PMEPA1: variants seen among roughly 807,000 people sequenced by gnomAD.
PMEPA1 encodes the protein prostate transmembrane protein, androgen induced 1, also known as protein TMEPAI.
Under a neutral mutation model 23.0 loss-of-function variants are expected in PMEPA1, and 11 were observed. The observed-to-expected ratio is 0.48, with a 90% CI of 0.30 to 0.79. PMEPA1 has a LOEUF of 0.79. PMEPA1 is among the 30% of genes least tolerant of loss of function. The probability of loss-of-function intolerance (pLI) is 0.06; values close to 1 mark genes in which losing one functional copy is unlikely to be tolerated. For missense variants in PMEPA1, 377 were observed against 390.9 expected (o/e 0.96, Z 0.30); for synonymous variants, 204 against 166.4 (o/e 1.23, Z -1.74).
chr20:57,710,032 GC>G (rs1318235117), upstream of PMEPA1: 1 of 998,024 alleles, frequency 1.0e-6, no homozygotes, highest in Non-Finnish European at 1.2e-6. Context: ...GCTAGACGGG[GC>G]TGCCGGTTCC....
intron 1 of PMEPA1, among the ~76,000 whole-genome samples, chr20:57,665,921 C>A (rs113727995): frequency 0.022 from 3,282 of 152,314 alleles, 105 homozygotes; most frequent in Non-Finnish European, 0.025. Context: ...TTTCTCTCCC[C>A]CAAGGGCCCG....
intron 1 of PMEPA1, among the ~76,000 whole-genome samples, chr20:57,666,821 G>A (rs950707626): frequency 7.9e-5 from 12 of 152,162 alleles, no homozygotes; most frequent in African/African-American, 2.9e-4. Flanking sequence ...CTCTTCCTGT[G>A]TGCCAAGCCC....
Position 57,662,411 on chromosome 20 carries a change from G to A in PMEPA1, c.110-2714C>T, listed in dbSNP as rs917213556. Among the ~76,000 whole-genome samples, 6 of 152,200 alleles carry A rather than the reference G, an allele frequency of 3.9e-5. 1 individual carries two copies. The highest frequency in any genetic ancestry group is 3.3e-4 in the Admixed American group (5 of 15,292). ...AAGTCCAAGACCCTAGAGCTGGCGC[G>A]TCCTCCCACTAGGCTTGGTGGGGCT... On this transcript the variant is annotated intron_variant, in intron 1 of 3. Coordinates refer to ENST00000341744, the MANE Select transcript of PMEPA1 (RefSeq NM_020182.5).
chr20:57,701,099 C>T (rs748726092), intron 1 of PMEPA1, among the ~76,000 whole-genome samples: 2 of 151,800 alleles, frequency 1.3e-5, no homozygotes, highest in East Asian at 1.9e-4. Context: ...GACTATAGTT[C>T]GAATCTTTCT....
At chr20:57,700,566 T>C (rs903894601) in intron 1 of PMEPA1, among the ~76,000 whole-genome samples, 6 of 152,236 alleles carry the variant, frequency 3.9e-5, no homozygotes, top group African/African-American at 1.4e-4. Context: ...TGTTTCTTGC[T>C]GATGGTGAAG....
chr20:57,710,105 A>AC, upstream of PMEPA1: 3 of 883,514 alleles, frequency 3.4e-6, no homozygotes, highest in Non-Finnish European at 4.2e-6. Flanking sequence ...GTTCCCCCGC[A>AC]CCCCCTCCCC....
intron 1 of PMEPA1, among the ~76,000 whole-genome samples, chr20:57,672,575 A>G (rs1178009663): frequency 6.6e-6 from 1 of 152,128 alleles, no homozygotes; most frequent in African/African-American, 2.4e-5. Flanking sequence ...CACCGTCTGG[A>G]GGGGTCTCGC....
Position 57,702,473 on chromosome 20 carries a change from C to T in PMEPA1, c.109+7001G>A, listed in dbSNP as rs138883593. Among the ~76,000 whole-genome samples, 865 of 152,286 alleles carry T rather than the reference C, an allele frequency of 5.7e-3. 10 individuals carry two copies. The highest frequency in any genetic ancestry group is 0.019 in the African/African-American group (786 of 41,556). Reference sequence around the variant, plus strand: ...GTGTCTTGCCAGAGCAGAATGGACCCAATTGCTCTGAGAGGTGGCCAATTC... The same window carrying T: ...GTGTCTTGCCAGAGCAGAATGGACCTAATTGCTCTGAGAGGTGGCCAATTC... On this transcript the variant is annotated intron_variant, in intron 1 of 3. Coordinates refer to ENST00000341744, the MANE Select transcript of PMEPA1 (RefSeq NM_020182.5).
intron 1 of PMEPA1, among the ~76,000 whole-genome samples, chr20:57,688,023 A>C (rs751809675): frequency 2.6e-5 from 4 of 151,974 alleles, no homozygotes; most frequent in Non-Finnish European, 5.9e-5. Flanking sequence ...TGTGAGCACC[A>C]TAAGGTCAGG....
chr20:57,676,513 G>A lies in PMEPA1; in HGVS notation c.110-16816C>T, dbSNP rs139266108. 3.3e-4 allele frequency among the ~76,000 whole-genome samples: 50 copies of A among 152,336 alleles called. No homozygotes were observed. The South Asian group carries it at 3.3e-3, about 10-fold the overall frequency. On this transcript the variant is annotated intron_variant, in intron 1 of 3. Transcript: ENST00000341744. ...ATCTGGAGTGACTGATACTGAGCAGGTAAATTCAATTTATAGAATCACAAC... is the reference window on the plus strand; with the variant it reads ...ATCTGGAGTGACTGATACTGAGCAGATAAATTCAATTTATAGAATCACAAC...
intron 1 of PMEPA1, among the ~76,000 whole-genome samples, chr20:57,672,739 C>T (rs1023745621): frequency 6.6e-6 from 1 of 152,150 alleles, no homozygotes; most frequent in African/African-American, 2.4e-5. Flanking sequence ...GCCCCTTGCA[C>T]CATCGGGCTC....
intron 1 of PMEPA1, among the ~76,000 whole-genome samples, chr20:57,678,577 C>T (rs931641695): frequency 1.3e-5 from 2 of 152,190 alleles, no homozygotes; most frequent in African/African-American, 2.4e-5. Flanking sequence ...CCTCGCCTCC[C>T]GCTCACAGCA....
intron 2 of PMEPA1, among the ~76,000 whole-genome samples, chr20:57,658,407 C>T (rs1365873934): frequency 1.3e-5 from 2 of 152,200 alleles, no homozygotes; most frequent in Admixed American, 1.3e-4. Flanking sequence ...TGCACCTGCT[C>T]CTGTCTGCGC....
intron 1 of PMEPA1, among the ~76,000 whole-genome samples, chr20:57,667,461 C>T (rs2071509963): frequency 6.6e-6 from 1 of 152,130 alleles, no homozygotes. Context: ...GGTGCTGGGG[C>T]TCATTTCTCT....
At chr20:57,708,255 G>A (rs2072114977) in intron 1 of PMEPA1, among the ~76,000 whole-genome samples, 1 of 152,204 alleles carries the variant, frequency 6.6e-6, no homozygotes, top group Non-Finnish European at 1.5e-5. Flanking sequence ...CCCCCAGCAG[G>A]GAAGGACTGT....
In PMEPA1 at chr20:57,659,647, T is replaced by A; in HGVS notation, c.160A>T (p.Met54Leu). 1 of 1,607,420 alleles carries A rather than the reference T, an allele frequency of 6.2e-7. No homozygotes were observed. The highest frequency in any genetic ancestry group is 1.1e-5 in the South Asian group (1 of 89,876). The part of the protein sequence containing the change: ...IIIIVVVMMV[M>L]VVVITCLLSH... ...AGCAGGCACGTGATCACCACCACCA[T>A]CACCATCATCACCACCACGATGATG... The change falls in exon 2 of 4, where the codon ATG becomes TTG. Residue 54 changes from methionine to leucine, a missense_variant. Transcript: ENST00000341744.
chr20:57,670,995 G>A (rs890563541), intron 1 of PMEPA1, among the ~76,000 whole-genome samples: 2 of 152,118 alleles, frequency 1.3e-5, no homozygotes, highest in African/African-American at 4.8e-5. Flanking sequence ...TGAGCCCTGC[G>A]TCTGAAAGTG....
intron 1 of PMEPA1, among the ~76,000 whole-genome samples, chr20:57,664,754 G>A (rs203383): frequency 0.41 from 62,714 of 152,100 alleles, 13,124 homozygotes; most frequent in East Asian, 0.53. Flanking sequence ...CCCTGGAGCC[G>A]GCTGTGAAGC....
At chr20:57,670,205 TG>T (rs36105626) in intron 1 of PMEPA1, among the ~76,000 whole-genome samples, 69 of 50,652 alleles carry the variant, frequency 1.4e-3, no homozygotes, top group African/African-American at 4.7e-3. Context: ...AGGGGTGGGG[TG>T]GGGGGGGTAG....
Sources: gnomAD v4.1 joint callset for allele counts (sites outside exome capture counted in the v4.1 genomes callset) on GRCh38, gnomAD v4.1.1 for gene constraint, MANE v1.5 for transcripts, NCBI Gene and HGNC (gene_info 2026-07-23, HGNC 2026-07-21) for gene names.